PARD3B: variants seen among roughly 807,000 people sequenced by gnomAD.
The protein encoded by PARD3B is partitioning defective 3 homolog B.
Under a neutral mutation model 130.2 loss-of-function variants are expected in PARD3B, and 103 were observed. That is an observed-to-expected ratio of 0.79 (90% CI 0.67 to 0.93). The LOEUF (loss-of-function observed/expected upper bound fraction) is 0.93, where lower values mean the gene tolerates loss of function less well. Ranked by LOEUF, PARD3B falls within the 40% of genes least tolerant of loss-of-function variation. PARD3B has a pLI of 0.00. For missense variants in PARD3B, 1,609 were observed against 1,499.2 expected, an observed-to-expected ratio of 1.07 and a Z score of -1.21; for synonymous variants, 583 against 553.2, an observed-to-expected ratio of 1.05 and a Z score of -0.76.
At chr2:205,454,333 A>T (rs1253858908) in intron 20 of PARD3B, among the ~76,000 whole-genome samples, 3 of 152,180 alleles carry the variant, frequency 2.0e-5, no homozygotes, top group Non-Finnish European at 2.9e-5. Context: ...TGTTAGGTCA[A>T]TTGCTTTTCT....
intron 2 of PARD3B, among the ~76,000 whole-genome samples, chr2:204,905,497 AGTC>A (rs2047012050): frequency 6.6e-6 from 1 of 152,074 alleles, no homozygotes; most frequent in Non-Finnish European, 1.5e-5. Context: ...AAGGGAAGAT[AGTC>A]AAGTGGCCAA....
intron 18 of PARD3B, among the ~76,000 whole-genome samples, chr2:205,337,042 A>T (rs1052554655): frequency 6.6e-6 from 1 of 151,136 alleles, no homozygotes. Context: ...GTTATTTTTT[A>T]AAAGTATTTT....
intron 18 of PARD3B, among the ~76,000 whole-genome samples, chr2:205,332,098 C>T (rs1306035665): frequency 6.6e-6 from 1 of 151,804 alleles, no homozygotes; most frequent in African/African-American, 2.4e-5. Flanking sequence ...GTGCCAGACT[C>T]GGTCTCAAAA....
chr2:204,628,578 A>G (rs530202252), intron 1 of PARD3B, among the ~76,000 whole-genome samples: 4 of 152,332 alleles, frequency 2.6e-5, no homozygotes, highest in South Asian at 2.1e-4. Context: ...AAGCAATTAT[A>G]TTCAAAACCT....
intron 4 of PARD3B, among the ~76,000 whole-genome samples, chr2:205,082,887 T>C (rs1225814325): frequency 6.6e-6 from 1 of 151,890 alleles, no homozygotes; most frequent in East Asian, 1.9e-4. Context: ...AGCATAATCT[T>C]AAGGGAAATT....
intron 5 of PARD3B, 67 bp from the exon 6 acceptor site, chr2:205,113,420 GTGTA>G: frequency 4.6e-6 from 4 of 861,070 alleles, no homozygotes; most frequent in Admixed American, 3.9e-5. Flanking sequence ...GTGTGTGTGT[GTGTA>G]TTTTAGATGT....
intron 2 of PARD3B, among the ~76,000 whole-genome samples, chr2:204,777,197 G>A (rs1217963461): frequency 6.6e-6 from 1 of 152,198 alleles, no homozygotes; most frequent in African/African-American, 2.4e-5. Flanking sequence ...AAATAACTTT[G>A]ATGGTTAGAA....
intron 18 of PARD3B, among the ~76,000 whole-genome samples, chr2:205,317,091 A>C (rs2042588059): frequency 6.6e-6 from 1 of 152,130 alleles, no homozygotes; most frequent in Non-Finnish European, 1.5e-5. Flanking sequence ...AATGCCATAA[A>C]ATTGACTAAA....
At chr2:205,372,798 A>G (rs2044873966) in intron 18 of PARD3B, among the ~76,000 whole-genome samples, 1 of 152,116 alleles carries the variant, frequency 6.6e-6, no homozygotes, top group Non-Finnish European at 1.5e-5. Flanking sequence ...TGGGAAACAT[A>G]GTGAGACTTC....
Position 205,351,118 on chromosome 2 carries a change from G to A in PARD3B, c.2630+49417G>A, listed in dbSNP as rs1057273789. ...TTCTCTTGATATTTTTTCAAAAGGT[G>A]AATATTTTCTGGAATAAAATACAGA... On this transcript the variant is annotated intron_variant, in intron 18 of 22. Transcript: ENST00000406610. This position sits in a 1 kb window ranked among gnomAD's most constrained non-coding sequence, Gnocchi z 4.2. 2.6e-5 allele frequency among the ~76,000 whole-genome samples: 4 copies of A among 152,108 alleles called. No homozygotes were observed. Among genetic ancestry groups the A allele is most frequent in the Non-Finnish European group, 5.9e-5 (4 of 68,012 alleles).
At chr2:205,375,373 A>G (rs2045002088) in intron 18 of PARD3B, among the ~76,000 whole-genome samples, 1 of 152,232 alleles carries the variant, frequency 6.6e-6, no homozygotes, top group African/African-American at 2.4e-5. Flanking sequence ...AATAGGAACT[A>G]AGGCTAAAGA....
At chr2:204,949,344 G>A (rs542464473) in intron 2 of PARD3B, among the ~76,000 whole-genome samples, 1 of 151,456 alleles carries the variant, frequency 6.6e-6, no homozygotes, top group East Asian at 2.0e-4. Context: ...TTGAGACAGG[G>A]TCTCTCTCTG....
intron 2 of PARD3B, among the ~76,000 whole-genome samples, chr2:204,838,552 A>G (rs2125583125): frequency 6.6e-6 from 1 of 152,204 alleles, no homozygotes; most frequent in South Asian, 2.1e-4. Flanking sequence ...TTTCTTTCAA[A>G]GAAGCAGAGG....
chr2:205,253,110 A>G lies in PARD3B; in HGVS notation c.2185+7288A>G, dbSNP rs529147687. On this transcript the variant is annotated intron_variant, in intron 16 of 22. Coordinates refer to ENST00000406610, the MANE Select transcript of PARD3B (RefSeq NM_001302769.2). This position sits in a 1 kb window ranked among gnomAD's most constrained non-coding sequence, Gnocchi z 4.4. ...CAGTAAACATTTATTTCTTGATCAC[A>G]TATCTCCAGGTATACTGGAATTTGC... 3.3e-5 allele frequency among the ~76,000 whole-genome samples: 5 copies of G among 152,258 alleles called. No homozygotes were observed. Among genetic ancestry groups the G allele is most frequent in the Admixed American group, 2.0e-4 (3 of 15,296 alleles).
At chr2:205,056,888 CACACACACACACAT>C (rs945192339) in intron 4 of PARD3B, among the ~76,000 whole-genome samples, 36 of 146,352 alleles carry the variant, frequency 2.5e-4, no homozygotes, top group Non-Finnish European at 5.2e-4. Context: ...GACACAAACA[CACACACACACACAT>C]ACACACACAC....
At chr2:205,023,055 A>T (rs1424025052) in intron 3 of PARD3B, among the ~76,000 whole-genome samples, 1 of 152,216 alleles carries the variant, frequency 6.6e-6, no homozygotes, top group African/African-American at 2.4e-5. Context: ...CTGGTCCATT[A>T]TCCCTGAAGA....
At chr2:205,374,180 G>GAAA (rs58332160) in intron 18 of PARD3B, among the ~76,000 whole-genome samples, 266 of 143,410 alleles carry the variant, frequency 1.9e-3, no homozygotes, top group African/African-American at 6.5e-3. Flanking sequence ...GAGGAAAAAT[G>GAAA]AAAAAAAAAA....
intron 16 of PARD3B, among the ~76,000 whole-genome samples, chr2:205,249,740 C>T (rs1362415872): frequency 6.6e-6 from 1 of 152,034 alleles, no homozygotes; most frequent in Non-Finnish European, 1.5e-5. Context: ...TAGAATCCTC[C>T]TCCAAATATG....
chr2:205,391,273 G>A (rs551651200), intron 18 of PARD3B, among the ~76,000 whole-genome samples: 2 of 152,380 alleles, frequency 1.3e-5, no homozygotes, highest in South Asian at 2.1e-4. Flanking sequence ...GCACAAATGC[G>A]AAGGCAGTAT....
Sources: gnomAD v4.1 joint callset for allele counts (sites outside exome capture counted in the v4.1 genomes callset) on GRCh38, gnomAD v4.1.1 for gene constraint, Gnocchi (gnomAD v3.1) non-coding constraint, MANE v1.5 for transcripts, NCBI Gene and HGNC (gene_info 2026-07-23, HGNC 2026-07-21) for gene names.